ZNF577: variants seen among roughly 807,000 people sequenced by gnomAD.
ZNF577 encodes zinc finger protein 577.
A neutral mutation model predicts 13.9 loss-of-function variants in ZNF577; 14 were observed. The observed-to-expected ratio is 1.00, with a 90% CI of 0.66 to 1.57. The LOEUF (loss-of-function observed/expected upper bound fraction) is 1.57. Among genes scored for constraint, ZNF577 ranks in the 40% most tolerant of loss-of-function variants. The probability of loss-of-function intolerance (pLI) is 0.00; values close to 1 mark genes in which losing one functional copy is unlikely to be tolerated. For synonymous variants in ZNF577, 203 were observed against 202.9 expected (o/e 1.00, Z 0.00); for missense variants, 555 against 579.2 (o/e 0.96, Z 0.43).
At chr19:51,808,627 A>G (rs1251628749) in intron 10 of ZNF577, among the ~76,000 whole-genome samples, 1 of 152,206 alleles carries the variant, frequency 6.6e-6, no homozygotes, top group South Asian at 2.1e-4. Flanking sequence ...AATGCAAATC[A>G]AGGCTTATCC....
chr19:51,830,332 C>T (rs1164189104), intron 9 of ZNF577, among the ~76,000 whole-genome samples: 2 of 152,172 alleles, frequency 1.3e-5, no homozygotes, highest in Non-Finnish European at 2.9e-5. Context: ...CACACGCGTC[C>T]TCCTGAACTT....
chr19:51,879,086 T>C (rs1288846542), intron 3 of ZNF577, among the ~76,000 whole-genome samples: 1 of 151,106 alleles, frequency 6.6e-6, no homozygotes. Context: ...TGAAACCCCA[T>C]CTCCACTAAA....
In ZNF577 at chr19:51,824,172, G is replaced by A. The variant is rs774077280; in HGVS notation, c.*600-12498C>T. On this transcript the variant is annotated intron_variant and NMD_transcript_variant, in intron 9 of 10. Transcript: ENST00000638827. The surrounding 1 kb of genome is among the most constrained non-coding windows in gnomAD (Gnocchi z 4.7). ...CCAGAACCATCGCACCATGAGTCTG[G>A]CCAAGAGGGTGATGACGGGACTCTG... 1 of 1,614,124 alleles carries A rather than the reference G, an allele frequency of 6.2e-7. No homozygotes were observed. Among genetic ancestry groups the A allele is most frequent in the African/African-American group, 1.3e-5 (1 of 75,042 alleles).
intron 9 of ZNF577, among the ~76,000 whole-genome samples, chr19:51,818,395 A>G (rs1313765704): frequency 6.6e-6 from 1 of 152,150 alleles, no homozygotes; most frequent in African/African-American, 2.4e-5. Context: ...TACAGACCAC[A>G]TTGTGTTTCC....
intron 9 of ZNF577, among the ~76,000 whole-genome samples, chr19:51,813,455 G>A (rs1167070720): frequency 6.6e-6 from 1 of 151,932 alleles, no homozygotes; most frequent in Non-Finnish European, 1.5e-5. Context: ...ATGATCTAAG[G>A]ATGTCATGTT....
chr19:51,808,243 C>G (rs2084073450), intron 10 of ZNF577, among the ~76,000 whole-genome samples: 1 of 152,204 alleles, frequency 6.6e-6, no homozygotes, highest in East Asian at 1.9e-4. Context: ...TGCTGAAAAT[C>G]ATTTAAAGTC....
intron 1 of ZNF577, among the ~76,000 whole-genome samples, chr19:51,885,351 C>T (rs2084927396): frequency 6.6e-6 from 1 of 152,156 alleles, no homozygotes; most frequent in African/African-American, 2.4e-5. Context: ...AGAAAGTTTG[C>T]CAGCAATGGT....
chr19:51,837,387 T>C lies in ZNF577; in HGVS notation c.*599+2506A>G, dbSNP rs1048821000. On this transcript the variant is annotated intron_variant and NMD_transcript_variant, in intron 9 of 10. Coordinates refer to the ZNF577 transcript ENST00000638827. ...ATTGGTTGCTTCAGGTGAGCTCTGA[T>C]TGGTTGGTTTCCAAGCCCCAAAATT... 3.3e-5 allele frequency among the ~76,000 whole-genome samples: 5 copies of C among 152,160 alleles called. No homozygotes were observed. In the East Asian group the frequency reaches 5.8e-4, roughly 18 times the overall value.
chr19:51,834,377 C>T (rs980758386), intron 9 of ZNF577, among the ~76,000 whole-genome samples: 1 of 152,134 alleles, frequency 6.6e-6, no homozygotes, highest in Admixed American at 6.5e-5. Flanking sequence ...ATTTCTTACA[C>T]CTAAGAGTAG....
At chr19:51,857,103 A>G (rs1384722263) in intron 5 of ZNF577, among the ~76,000 whole-genome samples, 2 of 152,148 alleles carry the variant, frequency 1.3e-5, no homozygotes, top group African/African-American at 4.8e-5. Flanking sequence ...GATCGAGACT[A>G]TCCTGGCCAA....
rs986404624 is a variant in ZNF577, at chr19:51,887,664, G to A, written c.-1062C>T. 1 of 152,156 alleles carries A rather than the reference G, an allele frequency of 6.6e-6. No homozygotes were observed. The highest frequency in any genetic ancestry group is 2.4e-5 in the African/African-American group (1 of 41,398). The allele number at this position is 152,156 out of a possible 1,614,324, so 9.4% of individuals were successfully genotyped here. A position where few individuals can be genotyped will look rare whatever the true frequency, so the allele number is the denominator to read the frequency against. ...TCCCAAGCACTGGTTCCAATGCGGA[G>A]ACCATGGGCTCCCAGACTCTGGGAA... On this transcript the variant is annotated 5_prime_UTR_variant, in exon 1 of 6. Transcript: ENST00000638348.
intron 7 of ZNF577, chr19:51,843,015 C>G (rs1408111997): frequency 6.6e-6 from 1 of 152,126 alleles, no homozygotes; most frequent in Non-Finnish European, 1.5e-5. Flanking sequence ...GAACAGAAAC[C>G]TTTCATTTGG....
At chr19:51,809,217 G>A (rs896288994) in intron 10 of ZNF577, among the ~76,000 whole-genome samples, 1 of 152,166 alleles carries the variant, frequency 6.6e-6, no homozygotes, top group Non-Finnish European at 1.5e-5. Flanking sequence ...TTCAACATAA[G>A]ACTGAAAAGT....
rs955334941 is a variant in ZNF577, at chr19:51,887,918, C to G, written c.-1316G>C. The G allele has an allele frequency of 2.6e-5, 4 of 152,280 alleles. No homozygotes were observed. The highest frequency in any genetic ancestry group is 1.3e-4 in the Admixed American group (2 of 15,282). 9.4% of individuals were successfully genotyped at this position (152,280 alleles called of 1,614,324 possible). A position where few individuals can be genotyped will look rare whatever the true frequency, so the allele number is the denominator to read the frequency against. ...CGCCTCTACCCGCCGCCCCGCGAAC[C>G]CCACACACTGCAGACGCGACACTCG... On this transcript the variant is annotated 5_prime_UTR_variant, in exon 1 of 6. Transcript: ENST00000638348.
At chr19:51,836,820 G>A (rs2084289683) in intron 9 of ZNF577, among the ~76,000 whole-genome samples, 1 of 152,146 alleles carries the variant, frequency 6.6e-6, no homozygotes, top group Admixed American at 6.5e-5. Context: ...GCGGCGGGTG[G>A]ATCACCTGAG....
intron 9 of ZNF577, among the ~76,000 whole-genome samples, chr19:51,812,059 C>G (rs192504401): frequency 5.3e-5 from 8 of 152,320 alleles, no homozygotes; most frequent in Admixed American, 5.2e-4. Flanking sequence ...TACCCATAGT[C>G]ATACCTATTG....
At chr19:51,848,239 C>A (rs1229707779) in intron 5 of ZNF577, among the ~76,000 whole-genome samples, 1 of 152,172 alleles carries the variant, frequency 6.6e-6, no homozygotes, top group African/African-American at 2.4e-5. Context: ...TCAGAACACA[C>A]CGAAACAGAA....
At chr19:51,876,126 C>G (rs1393689009) in intron 5 of ZNF577, among the ~76,000 whole-genome samples, 3 of 152,046 alleles carry the variant, frequency 2.0e-5, no homozygotes, top group Non-Finnish European at 4.4e-5. Context: ...AGGGTGCTGG[C>G]AAAATATAGA....
chr19:51,857,055 C>T (rs548570768), intron 5 of ZNF577, among the ~76,000 whole-genome samples: 1 of 152,210 alleles, frequency 6.6e-6, no homozygotes, highest in East Asian at 1.9e-4. Flanking sequence ...AATCTCAGCA[C>T]TTTGGGAGGC....
Sources: allele counts gnomAD v4.1 joint callset (sites outside exome capture counted in the v4.1 genomes callset), GRCh38; gene constraint gnomAD v4.1.1; non-coding constraint Gnocchi (gnomAD v3.1); transcripts MANE v1.5; gene names NCBI Gene and HGNC (gene_info 2026-07-23, HGNC 2026-07-21).